The following RNF10 variants were observed in gnomAD, a reference collection of about 807,000 sequenced individuals.
The protein encoded by RNF10 is ring finger protein 10, also known as E3 ubiquitin-protein ligase RNF10.
RNF10 carries 38 observed loss-of-function variants against 91.4 expected under a neutral mutation model. The observed-to-expected ratio is 0.42, with a 90% CI of 0.32 to 0.54. The LOEUF (loss-of-function observed/expected upper bound fraction) is 0.54. Among genes scored for constraint, RNF10 ranks in the 20% least tolerant of loss-of-function variants. The pLI is 0.16. For synonymous variants in RNF10, 364 were observed against 366.3 expected, an observed-to-expected ratio of 0.99 and a Z score of 0.07; for missense variants, 945 against 1,012.0, an observed-to-expected ratio of 0.93 and a Z score of 0.90.
chr12:120,546,820 T>A (rs1390809009), intron 2 of RNF10, among the ~76,000 whole-genome samples: 1 of 152,220 alleles, frequency 6.6e-6, no homozygotes, highest in Non-Finnish European at 1.5e-5. Context: ...GAAAATTTCC[T>A]TTATGACAAA....
chr12:120,569,049 C>T (rs1876196749), intron 13 of RNF10, among the ~76,000 whole-genome samples: 3 of 152,196 alleles, frequency 2.0e-5, no homozygotes, highest in Non-Finnish European at 4.4e-5. Context: ...CAGCTTACTG[C>T]AACCTCTGCC....
rs771173517 is a variant in RNF10 at position 120,539,420 on chromosome 12, G to T, written c.157+4452G>T. ...TGTTGTCAGTTGATTCTGTAGTAAG[G>T]CCATATGTTGCCCCTCTGGAGGTGC... On this transcript the variant is annotated intron_variant, in intron 1 of 16. Transcript: ENST00000325954. 6.2e-6 allele frequency: 8 copies of T among 1,288,842 alleles called. No homozygotes were observed. The South Asian group carries it at 9.9e-5, about 16-fold the overall frequency. The allele number at this position is 1,288,842 out of a possible 1,614,324, so 79.8% of individuals were successfully genotyped here.
At position 120,557,591 on chromosome 12, in the gene RNF10, T is replaced by C. The variant is rs754318302; in HGVS notation, c.876T>C (p.Ile292=). 6 of 1,614,192 alleles carry C rather than the reference T, an allele frequency of 3.7e-6. No individual in the cohort carries two copies. In the Admixed American group the frequency reaches 8.3e-5, roughly 22 times the overall value. The part of the protein sequence containing the change: ...ESHQYVVGDT[I]TMQLMKREKG... ...ATCAGTATGTTGTTGGTGATACCAT[T>C]ACGATGCAGCTGATGAAGAGGGAGA... is the stretch of plus-strand genomic sequence containing the variant. Residue 292 remains isoleucine (I), a synonymous_variant, in exon 6 of 17, where the codon ATT becomes ATC. Coordinates refer to ENST00000325954, the MANE Select transcript of RNF10 (RefSeq NM_014868.5).
intron 14 of RNF10, chr12:120,574,591 G>A (rs1162763297): frequency 4.4e-6 from 2 of 453,918 alleles, no homozygotes; most frequent in Admixed American, 2.4e-5. Flanking sequence ...AGTTTTCATG[G>A]CTTTAGGTAA....
At chr12:120,559,626 G>T (rs1289451329) in intron 6 of RNF10, among the ~76,000 whole-genome samples, 2 of 151,870 alleles carry the variant, frequency 1.3e-5, no homozygotes, top group East Asian at 3.9e-4. Flanking sequence ...CTTGTGATCC[G>T]CCTACCTCAG....
Position 120,552,488 on chromosome 12 carries a change from A to G in RNF10, c.355-11A>G, listed in dbSNP as rs752943660. On this transcript the variant is annotated splice_polypyrimidine_tract_variant and intron_variant, in intron 2 of 16. Coordinates refer to ENST00000325954, the MANE Select transcript of RNF10 (RefSeq NM_014868.5). Reference sequence around the variant, plus strand: ...TAATCTGAAATACTGATTCATTCTCATTCTCTCTAGGTAGCAGAGGCTCAA... The same window carrying G: ...TAATCTGAAATACTGATTCATTCTCGTTCTCTCTAGGTAGCAGAGGCTCAA... The G allele has an allele frequency of 7.5e-6, 12 of 1,610,692 alleles. No individual in the cohort carries two copies. The highest frequency in any genetic ancestry group is 9.3e-6 in the Non-Finnish European group (11 of 1,177,450).
At chr12:120,535,608 A>G (rs1870653668) in intron 1 of RNF10, 1 of 152,168 alleles carries the variant, frequency 6.6e-6, no homozygotes, top group Non-Finnish European at 1.5e-5. Flanking sequence ...TAAACTTAAA[A>G]AACTAATTAA....
chr12:120,554,839 G>A lies in RNF10; in HGVS notation c.645+31G>A, dbSNP rs1424256085. 3.3e-6 allele frequency: 5 copies of A among 1,538,126 alleles called. No individual in the cohort carries two copies. The South Asian group carries it at 5.6e-5, about 17-fold the overall frequency. ...TAGCTCAGCCAAGCCCATAAGCTATGAATGGGAGCACTAAATAAAGGCACT... is the reference window on the plus strand; with the variant it reads ...TAGCTCAGCCAAGCCCATAAGCTATAAATGGGAGCACTAAATAAAGGCACT... On this transcript the variant is annotated intron_variant, in intron 4 of 16. Transcript: ENST00000325954.
At chr12:120,564,297 G>A (rs979046512) in intron 10 of RNF10, among the ~76,000 whole-genome samples, 1 of 152,072 alleles carries the variant, frequency 6.6e-6, no homozygotes, top group Non-Finnish European at 1.5e-5. Context: ...GACTCTTTGA[G>A]TACTATAAAT....
Position 120,546,361 on chromosome 12 carries a change from T to C in RNF10, c.158-44T>C, listed in dbSNP as rs768693625. The C allele has an allele frequency of 2.0e-5, 32 of 1,565,064 alleles. No individual in the cohort carries two copies. In the African/African-American group the frequency reaches 2.5e-4, roughly 12 times the overall value. ...GGTGGAGGGCAGTTGGCTAAGTGAA[T>C]GTATCAGCTTCTTAAGACGTTCTTT... is the stretch of plus-strand genomic sequence containing the variant. On this transcript the variant is annotated intron_variant, in intron 1 of 16. Transcript: ENST00000325954.
At chr12:120,549,510 C>T (rs1169824216) in intron 2 of RNF10, among the ~76,000 whole-genome samples, 3 of 152,072 alleles carry the variant, frequency 2.0e-5, no homozygotes, top group East Asian at 3.9e-4. Flanking sequence ...TGGGGCCGGG[C>T]GCAGTGGCTC....
intron 7 of RNF10, 91 bp downstream of exon 7, chr12:120,560,977 G>C: frequency 9.3e-6 from 12 of 1,292,882 alleles, no homozygotes; most frequent in African/African-American, 1.5e-5. Flanking sequence ...CACTCTGTCG[G>C]GGGTGAGATG....
chr12:120,576,239 C>T (rs1353494592), intron 16 of RNF10, among the ~76,000 whole-genome samples: 1 of 152,174 alleles, frequency 6.6e-6, no homozygotes, highest in Non-Finnish European at 1.5e-5. Context: ...TACAGGGTGG[C>T]TAATTAGATG....
At chr12:120,556,344 CT>C (rs1874004301) in intron 4 of RNF10, among the ~76,000 whole-genome samples, 1 of 150,854 alleles carries the variant, frequency 6.6e-6, no homozygotes, top group African/African-American at 2.4e-5. Flanking sequence ...ACCATCCTGG[CT>C]AACACGGTGA....
intron 4 of RNF10, among the ~76,000 whole-genome samples, chr12:120,555,205 A>G (rs1258496074): frequency 3.3e-5 from 5 of 152,210 alleles, no homozygotes; most frequent in Admixed American, 1.3e-4. Flanking sequence ...TTTTTGAGAA[A>G]GAGTCTCACT....
intron 3 of RNF10, among the ~76,000 whole-genome samples, chr12:120,553,596 T>TA (rs1199441166): frequency 6.7e-6 from 1 of 148,738 alleles, no homozygotes; most frequent in Non-Finnish European, 1.5e-5. Flanking sequence ...GTAGAGATGG[T>TA]GTTGCACCGT....
chr12:120,545,126 A>T (rs1434071140), intron 1 of RNF10, among the ~76,000 whole-genome samples: 1 of 152,224 alleles, frequency 6.6e-6, no homozygotes, highest in Non-Finnish European at 1.5e-5. Flanking sequence ...AAATTATTCT[A>T]CACTATTTTC....
At chr12:120,557,100 AAG>A (rs1491143426) in intron 4 of RNF10, among the ~76,000 whole-genome samples, 180 bp from the exon 5 acceptor site, 2 of 151,750 alleles carry the variant, frequency 1.3e-5, no homozygotes, top group Non-Finnish European at 2.9e-5. Context: ...AAAAAAAAAA[AAG>A]AAAAAAATGA....
intron 2 of RNF10, among the ~76,000 whole-genome samples, chr12:120,547,959 G>A (rs148477214): frequency 0.023 from 3,438 of 152,292 alleles, 62 homozygotes; most frequent in Middle Eastern, 0.068. Context: ...GGTGAGAGAC[G>A]TTAAGATTTG....
Sources: allele counts gnomAD v4.1 joint callset (sites outside exome capture counted in the v4.1 genomes callset), GRCh38; gene constraint gnomAD v4.1.1; transcripts MANE v1.5; gene names NCBI Gene and HGNC (gene_info 2026-07-23, HGNC 2026-07-21).